FRMPD3: variants seen among roughly 807,000 people sequenced by gnomAD.
The protein encoded by FRMPD3 is FERM and PDZ domain-containing protein 3.
Under a neutral mutation model 97.9 loss-of-function variants are expected in FRMPD3, and 42 were observed. The ratio of observed to expected loss-of-function variants is 0.43; its 90% CI spans 0.34 to 0.55. The LOEUF (loss-of-function observed/expected upper bound fraction) is 0.55, where lower values mean the gene tolerates loss of function less well. FRMPD3 is among the 20% of genes least tolerant of loss of function. The pLI is 0.03. For synonymous variants in FRMPD3, 577 were observed against 581.1 expected, an observed-to-expected ratio of 0.99 and a Z score of 0.10; for missense variants, 1,303 against 1,457.7, an observed-to-expected ratio of 0.89 and a Z score of 1.73.
chrX:107,493,594 T>G (rs1921711785), intron 1 of FRMPD3, among the ~76,000 whole-genome samples: 1 of 112,376 alleles, frequency 8.9e-6, no homozygotes, highest in African/African-American at 3.2e-5. Context: ...TTTAGGCCTT[T>G]AAGCTATTGT....
intron 5 of FRMPD3, among the ~76,000 whole-genome samples, chrX:107,547,521 C>A: frequency 8.9e-6 from 1 of 112,058 alleles, no homozygotes; most frequent in East Asian, 2.8e-4. Context: ...GTAGCTAGGA[C>A]CCACCTAGAG....
rs754045362 is a variant in FRMPD3, at chrX:107,583,722, C to T, written c.1441+7263C>T. ...TCCCACCAACAGTGTAAAAGCATTC[C>T]TATTTCTCCACAGCCTCACTAGCAT... On this transcript the variant is annotated intron_variant, in intron 13 of 14. Transcript: ENST00000683843. 1.1e-4 allele frequency among the ~76,000 whole-genome samples: 12 copies of T among 111,676 alleles called. No individual in the cohort carries two copies. In the South Asian group the frequency reaches 4.5e-3, roughly 42 times the overall value.
chrX:107,594,914 G>A (rs1924096662), intron 13 of FRMPD3, among the ~76,000 whole-genome samples: 1 of 112,045 alleles, frequency 8.9e-6, no homozygotes, highest in African/African-American at 3.2e-5. Context: ...TTAAAAAAAC[G>A]ACTTTAGCTA....
At chrX:107,550,379 C>T (rs774835239) in intron 6 of FRMPD3, among the ~76,000 whole-genome samples, 41 of 112,036 alleles carry the variant, frequency 3.7e-4, no homozygotes, top group Non-Finnish European at 7.0e-4. Flanking sequence ...ATTGTTAAAC[C>T]GTGTGTGTGC....
At chrX:107,504,886 A>C (rs932030597) in intron 1 of FRMPD3, among the ~76,000 whole-genome samples, 2 of 111,552 alleles carry the variant, frequency 1.8e-5, no homozygotes, top group Non-Finnish European at 3.8e-5. Context: ...TAATCAGAAA[A>C]CCAGAGCCAA....
At chrX:107,500,569 G>A (rs753422113) in intron 1 of FRMPD3, among the ~76,000 whole-genome samples, 49 of 111,441 alleles carry the variant, frequency 4.4e-4, no homozygotes, top group Non-Finnish European at 6.8e-4. Context: ...CAAGGCGGGC[G>A]ACTCACCTGA....
Position 107,481,309 on chromosome X carries a change from G to A in FRMPD3, c.-8+31304G>A, listed in dbSNP as rs189055082. Among the ~76,000 whole-genome samples, 251 of 112,085 alleles carry A rather than the reference G, an allele frequency of 2.2e-3. 1 individual carries two copies. Among genetic ancestry groups the A allele is most frequent in the African/African-American group, 7.8e-3 (241 of 30,880 alleles). On this transcript the variant is annotated intron_variant, in intron 1 of 14. Coordinates refer to ENST00000683843, the MANE Select transcript of FRMPD3 (RefSeq NM_001388459.1). Reference sequence around the variant, plus strand: ...CTCAGTGCTGGCAGGGCCTGAGAGTGAGTTCAGCACCAACAAACAGAGTCA... The same window carrying A: ...CTCAGTGCTGGCAGGGCCTGAGAGTAAGTTCAGCACCAACAAACAGAGTCA...
intron 1 of FRMPD3, among the ~76,000 whole-genome samples, chrX:107,488,136 C>G (rs1381172000): frequency 8.9e-6 from 1 of 111,827 alleles, no homozygotes; most frequent in Non-Finnish European, 1.9e-5. Flanking sequence ...GCCTTGGCTC[C>G]TGCCTACCCA....
At chrX:107,455,613 T>A (rs949821855) in intron 1 of FRMPD3, among the ~76,000 whole-genome samples, 8 of 111,581 alleles carry the variant, frequency 7.2e-5, no homozygotes, top group South Asian at 3.8e-4. Context: ...TCTTTTTTTT[T>A]AATTTTTTTA....
chrX:107,580,035 A>G (rs763400265), intron 13 of FRMPD3, among the ~76,000 whole-genome samples: 1 of 112,123 alleles, frequency 8.9e-6, no homozygotes, highest in Admixed American at 9.5e-5. Context: ...CGTCATTATG[A>G]CCAGTGATTA....
Position 107,597,607 on chromosome X carries a change from C to A in FRMPD3, c.1728C>A (p.Val576=), listed in dbSNP as rs756480833. Reference sequence around the variant, plus strand: ...GCTCTGGCCAAGGTTATGAGGTAGTCCCTGATGACTTTGATGCAGCTAGCC... The same window carrying A: ...GCTCTGGCCAAGGTTATGAGGTAGTACCTGATGACTTTGATGCAGCTAGCC... ...SKSSGQGYEV[V]PDDFDAASLD... The change falls in exon 14 of 15, where the codon GTC becomes GTA. Residue 576 remains valine (V), a synonymous_variant. Transcript: ENST00000683843. 2 of 1,210,964 alleles carry A rather than the reference C, an allele frequency of 1.7e-6. No individual in the cohort carries two copies. The highest frequency in any genetic ancestry group is 5.9e-5 in the East Asian group (2 of 33,832).
At chrX:107,453,311 C>G (rs1418532870) in intron 1 of FRMPD3, among the ~76,000 whole-genome samples, 2 of 110,785 alleles carry the variant, frequency 1.8e-5, no homozygotes, top group African/African-American at 6.6e-5. Context: ...CTCATGCAGA[C>G]AAGCTTGGTT....
Position 107,597,770 on chromosome X carries a change from C to T in FRMPD3, c.1891C>T (p.Pro631Ser). 8.4e-7 allele frequency: 1 copy of T among 1,188,139 alleles called. No individual in the cohort carries two copies. Among genetic ancestry groups the T allele is most frequent in the Non-Finnish European group, 1.1e-6 (1 of 883,970 alleles). ...EQLGPRKGGK[P>S]GSSRDNIVDL... The stretch of plus-strand genomic sequence containing the variant: ...GCTGGGCCCTCGCAAAGGTGGGAAG[C>T]CTGGCTCCTCTCGTGACAATATAGT... The change falls in exon 14 of 15, where the codon CCT becomes TCT. Residue 631 changes from proline (P) to serine (S), a missense_variant. Pro to Ser is a moderately conservative substitution (Grantham distance 74, BLOSUM62 -1). Around this residue, in one of 3 missense-constraint regions of FRMPD3, gnomAD observed 535 missense variants for 618.6 expected, o/e 0.86. Coordinates refer to ENST00000683843, the MANE Select transcript of FRMPD3 (RefSeq NM_001388459.1).
At chrX:107,480,903 A>G (rs375468741) in intron 1 of FRMPD3, among the ~76,000 whole-genome samples, 1,971 of 59,075 alleles carry the variant, frequency 0.033, 25 homozygotes, top group African/African-American at 0.039. Context: ...AAGGAAAGAA[A>G]GAAAGAAAGA....
intron 12 of FRMPD3, among the ~76,000 whole-genome samples, chrX:107,573,011 A>AGAGGTTATTG (rs1569425162): frequency 9.0e-6 from 1 of 111,489 alleles, no homozygotes; most frequent in African/African-American, 3.3e-5. Flanking sequence ...AGGCCAGTCA[A>AGAGGTTATTG]GAGGTTATTG....
intron 1 of FRMPD3, chrX:107,513,009 A>T (rs951130227): frequency 1.8e-5 from 2 of 112,259 alleles, no homozygotes; most frequent in African/African-American, 3.2e-5. Flanking sequence ...GAATTTATTG[A>T]CTATAGCTTC....
intron 1 of FRMPD3, among the ~76,000 whole-genome samples, chrX:107,490,553 A>G (rs1036724342): frequency 9.0e-6 from 1 of 110,927 alleles, no homozygotes; most frequent in Non-Finnish European, 1.9e-5. Context: ...GGTCCTTCAC[A>G]TCCCTTGTAA....
intron 5 of FRMPD3, among the ~76,000 whole-genome samples, chrX:107,549,472 T>G (rs1921765177): frequency 9.0e-6 from 1 of 111,232 alleles, no homozygotes; most frequent in African/African-American, 3.3e-5. Flanking sequence ...TGAAGAATCA[T>G]CAGAGGTATG....
rs760986773 is a variant in FRMPD3, at chrX:107,601,636, G to A, written c.3597G>A (p.Ser1199=). The change falls in exon 15 of 15, where the codon TCG becomes TCA. Residue 1199 remains serine (S), a synonymous_variant. Transcript: ENST00000683843. The part of the protein sequence containing the change: ...KLETTLNGAH[S]TSEGPAKPKS... ...AAACAACTCTCAATGGAGCCCACTCGACCTCTGAAGGCCCTGCCAAACCCA... is the reference window on the plus strand; with the variant it reads ...AAACAACTCTCAATGGAGCCCACTCAACCTCTGAAGGCCCTGCCAAACCCA... 2 of 1,210,956 alleles carry A rather than the reference G, an allele frequency of 1.7e-6. No individual in the cohort carries two copies. Among genetic ancestry groups the A allele is most frequent in the Non-Finnish European group, 2.2e-6 (2 of 895,438 alleles).
Sources: gnomAD v4.1 joint callset for allele counts (sites outside exome capture counted in the v4.1 genomes callset) on GRCh38, gnomAD v4.1.1 for gene constraint, gnomAD v4.1.1 regional missense constraint, MANE v1.5 for transcripts, NCBI Gene and HGNC (gene_info 2026-07-23, HGNC 2026-07-21) for gene names.